The following TMEM268 variants were observed in gnomAD, a reference collection of about 807,000 sequenced individuals.
TMEM268 encodes the protein transmembrane protein C9orf91.
Under a neutral mutation model 39.1 loss-of-function variants are expected in TMEM268, and 24 were observed. The observed-to-expected ratio is 0.61, with a 90% CI of 0.44 to 0.86. The LOEUF (loss-of-function observed/expected upper bound fraction) is 0.86. TMEM268 is among the 40% of genes least tolerant of loss of function. The probability of loss-of-function intolerance (pLI) is 0.00; values close to 1 mark genes in which losing one functional copy is unlikely to be tolerated. For missense variants in TMEM268, 409 were observed against 428.6 expected, an observed-to-expected ratio of 0.95 and a Z score of 0.40; for synonymous variants, 176 against 173.5, an observed-to-expected ratio of 1.01 and a Z score of -0.12.
chr9:114,606,289 GA>G (rs1409724476), upstream of TMEM268, among the ~76,000 whole-genome samples: 1 of 152,166 alleles, frequency 6.6e-6, no homozygotes, highest in Non-Finnish European at 1.5e-5. Flanking sequence ...TAGGAATTCA[GA>G]GGATTTTTTC....
At chr9:114,637,174 A>G in intron 7 of TMEM268, 104 bp downstream of exon 7, 1 of 709,898 alleles carries the variant, frequency 1.4e-6, no homozygotes, top group African/African-American at 1.7e-5. Flanking sequence ...AGTTACTTGG[A>G]AGAATACCTA....
chr9:114,618,545 G>A (rs1845824097), intron 2 of TMEM268, among the ~76,000 whole-genome samples: 1 of 151,902 alleles, frequency 6.6e-6, no homozygotes, highest in African/African-American at 2.4e-5. Flanking sequence ...CGCCTGTAAT[G>A]CCAGCTACTA....
chr9:114,617,173 G>A lies in TMEM268; in HGVS notation c.-23G>A, dbSNP rs1845750408. The A allele has an allele frequency of 1.3e-5, 20 of 1,512,994 alleles. No individual in the cohort carries two copies. Among genetic ancestry groups the A allele is most frequent in the Non-Finnish European group, 1.8e-5 (20 of 1,101,986 alleles). The allele number at this position is 1,512,994 out of a possible 1,614,324, so 93.7% of individuals were successfully genotyped here. ...TGAACCACAGCTCTGAGAAGGGGAA[G>A]TAGAAACAGCTGGCGCCCTGCCATG... On this transcript the variant is annotated 5_prime_UTR_variant, in exon 2 of 9. Transcript: ENST00000288502.
intron 3 of TMEM268, 90 bp downstream of exon 3, chr9:114,624,549 T>C (rs1646515277): frequency 6.7e-7 from 1 of 1,503,502 alleles, no homozygotes; most frequent in Non-Finnish European, 8.9e-7. Context: ...AAAATCTTTA[T>C]GAAACAGTCT....
At chr9:114,622,398 C>A in intron 2 of TMEM268, 2 of 985,356 alleles carry the variant, frequency 2.0e-6, no homozygotes, top group Non-Finnish European at 2.4e-6. Context: ...CTCCCACCCC[C>A]CAGACCTCCT....
At chr9:114,609,762 A>AGAAG (rs1845425839), upstream of TMEM268, among the ~76,000 whole-genome samples, 1 of 143,788 alleles carries the variant, frequency 7.0e-6, no homozygotes, top group Admixed American at 7.1e-5. Flanking sequence ...AAAGAAAGAA[A>AGAAG]GAAGGAAAGA....
chr9:114,607,651 T>C (rs1278357758), upstream of TMEM268, among the ~76,000 whole-genome samples: 1 of 151,824 alleles, frequency 6.6e-6, no homozygotes, highest in Non-Finnish European at 1.5e-5. Context: ...TGAGACCCTG[T>C]CTCAAAAAAT....
intron 2 of TMEM268, among the ~76,000 whole-genome samples, chr9:114,618,803 A>G (rs1257193258): frequency 6.6e-6 from 1 of 152,184 alleles, no homozygotes; most frequent in African/African-American, 2.4e-5. Flanking sequence ...AGCATTTATC[A>G]TAGTCTGTAA....
At chr9:114,633,687 T>G (rs1356555310) in intron 5 of TMEM268, 81 bp from the exon 6 acceptor site, 1 of 642,988 alleles carries the variant, frequency 1.6e-6, no homozygotes, top group Non-Finnish European at 2.7e-6. Context: ...GGGGGTGGGA[T>G]GGTGTGTTTC....
intron 3 of TMEM268, among the ~76,000 whole-genome samples, chr9:114,625,603 G>A (rs1391069578): frequency 1.3e-5 from 2 of 151,480 alleles, no homozygotes; most frequent in Non-Finnish European, 2.9e-5. Flanking sequence ...CACCACGGCT[G>A]GCTAATTTTT....
chr9:114,629,797 C>T (rs1332977837), intron 5 of TMEM268, among the ~76,000 whole-genome samples: 1 of 152,180 alleles, frequency 6.6e-6, no homozygotes, highest in African/African-American at 2.4e-5. Context: ...GGTGTGAATT[C>T]CACTTAGTGC....
chr9:114,626,183 G>A (rs1444330290), intron 3 of TMEM268, among the ~76,000 whole-genome samples: 1 of 152,044 alleles, frequency 6.6e-6, no homozygotes, highest in African/African-American at 2.4e-5. Flanking sequence ...GCCTGGTCTT[G>A]AACTCCTAGG....
In TMEM268 at chr9:114,611,356, A is replaced by C. The variant is rs1022436418; in HGVS notation, c.-287A>C. The C allele has an allele frequency of 6.6e-6, 1 of 151,722 alleles. No homozygotes were observed. The highest frequency in any genetic ancestry group is 1.9e-4 in the East Asian group (1 of 5,144). 9.4% of individuals were successfully genotyped at this position (151,722 alleles called of 1,614,324 possible). On this transcript the variant is annotated 5_prime_UTR_variant, in exon 1 of 9. Transcript: ENST00000288502. ...GGAGGCGCGTTCCCTCTTGGCCCCA[A>C]AGCGAGTCCGGCGGGCGGCTCCTCG...
At position 114,644,091 on chromosome 9, in the gene TMEM268, C is replaced by T. The variant is rs577577780; in HGVS notation, c.*778C>T. 2.2e-4 allele frequency: 33 copies of T among 152,380 alleles called. No homozygotes were observed. Among genetic ancestry groups the T allele is most frequent in the African/African-American group, 5.3e-4 (22 of 41,544 alleles). 9.4% of individuals were successfully genotyped at this position (152,380 alleles called of 1,614,324 possible). ...GATGTAGAACAATGGTTATGTTTCC[C>T]GACATGAACATTGTCCTGGAATGAA... On this transcript the variant is annotated 3_prime_UTR_variant, in exon 9 of 9. Coordinates refer to ENST00000288502, the MANE Select transcript of TMEM268 (RefSeq NM_153045.4).
intron 2 of TMEM268, among the ~76,000 whole-genome samples, chr9:114,620,337 C>T (rs1409649524): frequency 6.6e-6 from 1 of 152,146 alleles, no homozygotes; most frequent in Non-Finnish European, 1.5e-5. Flanking sequence ...CTTGACCTCC[C>T]AGGCTCAGGT....
In TMEM268 at chr9:114,637,222, C is replaced by G. The variant is rs1589358828; in HGVS notation, c.666+152C>G. 5 of 549,190 alleles carry G rather than the reference C, an allele frequency of 9.1e-6. No individual in the cohort carries two copies. The East Asian group carries it at 1.4e-4, about 16-fold the overall frequency. 34.0% of individuals were successfully genotyped at this position (549,190 alleles called of 1,614,324 possible). A position where few individuals can be genotyped will look rare whatever the true frequency, so the allele number is the denominator to read the frequency against. On this transcript the variant is annotated intron_variant, in intron 7 of 8. Coordinates refer to ENST00000288502, the MANE Select transcript of TMEM268 (RefSeq NM_153045.4). ...GGTTGTTTTGCCTAGGGAATTATGG[C>G]TGCTTTTCTGCTTCTTTTTAATGCC...
At chr9:114,605,950 G>T in the TMEM268 span, among the ~76,000 whole-genome samples, 1 of 151,468 alleles carries the variant, frequency 6.6e-6, no homozygotes, top group African/African-American at 2.4e-5. Context: ...AAAAAGAAAA[G>T]AAAATAACTT....
In TMEM268 at chr9:114,643,441, T is replaced by C. The variant is rs548006321; in HGVS notation, c.*128T>C. On this transcript the variant is annotated 3_prime_UTR_variant, in exon 9 of 9. Coordinates refer to ENST00000288502, the MANE Select transcript of TMEM268 (RefSeq NM_153045.4). ...CTGGGGGCACTCCAAAAGGGGCCTG[T>C]GATGTCAGCCACTGGGGTGTTGTGC... is the stretch of plus-strand genomic sequence containing the variant. 6.8e-5 allele frequency: 52 copies of C among 761,048 alleles called. No homozygotes were observed. The African/African-American group carries it at 8.6e-4, about 13-fold the overall frequency. 47.1% of individuals were successfully genotyped at this position (761,048 alleles called of 1,614,324 possible).
intron 1 of TMEM268, among the ~76,000 whole-genome samples, chr9:114,616,547 G>A (rs904673352): frequency 6.6e-6 from 1 of 151,054 alleles, no homozygotes; most frequent in Admixed American, 6.6e-5. Flanking sequence ...TGTGTTTTTG[G>A]TAGAGGTGGG....
Sources: gnomAD v4.1 joint callset for allele counts (sites outside exome capture counted in the v4.1 genomes callset) on GRCh38, gnomAD v4.1.1 for gene constraint, MANE v1.5 for transcripts, NCBI Gene and HGNC (gene_info 2026-07-23, HGNC 2026-07-21) for gene names.